Variants in MTMR10 observed in about 807,000 individuals in gnomAD.
MTMR10 encodes myotubularin-related protein 10.
MTMR10 carries 56 observed loss-of-function variants against 88.1 expected under a neutral mutation model. The observed-to-expected ratio is 0.64, with a 90% CI of 0.51 to 0.79. MTMR10 has a LOEUF of 0.79. Ranked by LOEUF, MTMR10 falls within the 30% of genes least tolerant of loss-of-function variation. The pLI, the probability that MTMR10 is intolerant of heterozygous loss-of-function variation, is 0.00. For synonymous variants in MTMR10, 380 were observed against 340.9 expected (o/e 1.11, Z -1.26); for missense variants, 883 against 924.7 (o/e 0.95, Z 0.58).
chr15:30,943,405 T>G (rs967351849), intron 14 of MTMR10: 36 of 984,566 alleles, frequency 3.7e-5, no homozygotes, highest in Non-Finnish European at 4.0e-5. Flanking sequence ...TTTATTTCTA[T>G]AATTACAGTA....
the MTMR10 span, chr15:30,927,613 T>C: frequency 1.0e-6 from 1 of 985,546 alleles, no homozygotes; most frequent in South Asian, 4.7e-5. Context: ...GGCCTGTAAA[T>C]GTCAGGTGGG....
chr15:30,929,321 C>G, the MTMR10 span: 1 of 1,612,224 alleles, frequency 6.2e-7, no homozygotes, highest in Non-Finnish European at 8.5e-7. Flanking sequence ...TGGGTGGCAG[C>G]CACGTGGCAT....
intron 6 of MTMR10, chr15:30,965,818 T>C: frequency 3.1e-6 from 1 of 324,368 alleles, no homozygotes; most frequent in South Asian, 2.6e-5. Flanking sequence ...CTCAGATAAC[T>C]GCAGGGGAGC....
chr15:30,952,720 C>A (rs992854247), intron 11 of MTMR10, among the ~76,000 whole-genome samples: 1 of 152,002 alleles, frequency 6.6e-6, no homozygotes, highest in African/African-American at 2.4e-5. Flanking sequence ...TTGTGAACTA[C>A]TGGCCTCAAG....
Position 30,941,698 on chromosome 15 carries a change from G to A in MTMR10, c.2106C>T (p.Gly702=), listed in dbSNP as rs762731883. ...LSRMLRQQRS[G]PLEACYGELG... The stretch of plus-strand genomic sequence containing the variant: ...GCTCCCCATAGCAGGCCTCCAGGGG[G>A]CCACTGCGCTGTTGCCGCAGCATCC... The change falls in exon 16 of 16, where the codon GGC becomes GGT. Residue 702 remains glycine (G), a synonymous_variant. Coordinates refer to ENST00000435680, the MANE Select transcript of MTMR10 (RefSeq NM_017762.3). 3 of 1,613,840 alleles carry A rather than the reference G, an allele frequency of 1.9e-6. No homozygotes were observed. Among genetic ancestry groups the A allele is most frequent in the East Asian group, 4.5e-5 (2 of 44,884 alleles).
intron 2 of MTMR10, among the ~76,000 whole-genome samples, chr15:30,986,413 T>C (rs1434744361): frequency 2.0e-5 from 3 of 151,968 alleles, no homozygotes; most frequent in Non-Finnish European, 2.9e-5. Context: ...AGTATTATAA[T>C]AATCTCATCT....
At chr15:30,980,857 C>T (rs1049018126) in intron 2 of MTMR10, among the ~76,000 whole-genome samples, 7 of 152,006 alleles carry the variant, frequency 4.6e-5, no homozygotes, top group East Asian at 1.9e-4. Context: ...ACAAAAATGC[C>T]GGATTAGAAA....
the MTMR10 span, among the ~76,000 whole-genome samples, chr15:30,919,847 CAG>C: frequency 0.016 from 2,498 of 152,160 alleles, 69 homozygotes; most frequent in African/African-American, 0.057. Flanking sequence ...CTTGCTGTCT[CAG>C]GGGTGGCAGA....
chr15:30,941,972 T>C lies in MTMR10; in HGVS notation c.1832A>G (p.Lys611Arg). 6.2e-7 allele frequency: 1 copy of C among 1,614,016 alleles called. No individual in the cohort carries two copies. The highest frequency in any genetic ancestry group is 8.5e-7 in the Non-Finnish European group (1 of 1,179,900). The change falls in exon 16 of 16, where the codon AAA (lysine) becomes AGA (arginine). Residue 611 changes from lysine to arginine, a missense_variant. Lys to Arg is a conservative substitution (Grantham distance 26, BLOSUM62 2). Transcript: ENST00000435680. ...LLPRRNSLIL[K>R]PKPDPAQQTD... ...TTGCTGAGCTGGATCTGGCTTTGGT[T>C]TTAATATCAATGAATTTCTCCTTGG...
the MTMR10 span, among the ~76,000 whole-genome samples, chr15:30,930,827 G>A: frequency 5.9e-5 from 9 of 152,186 alleles, no homozygotes; most frequent in African/African-American, 2.2e-4. Context: ...TGTCCCCTGC[G>A]ACTGGCTTCA....
Position 30,941,118 on chromosome 15 carries a change from T to C in MTMR10, c.*352A>G, listed in dbSNP as rs2063032669. On this transcript the variant is annotated 3_prime_UTR_variant, in exon 16 of 16. Transcript: ENST00000435680. ...GACACGAAACACAAATTTCCTAACT[T>C]TCCTGTTGTCTGCTGCCTGGGGCTG... 6.4e-6 allele frequency: 8 copies of C among 1,259,798 alleles called. No homozygotes were observed. The highest frequency in any genetic ancestry group is 7.2e-6 in the Non-Finnish European group (7 of 978,466). 78.0% of individuals were successfully genotyped at this position (1,259,798 alleles called of 1,614,324 possible). A position where few individuals can be genotyped will look rare whatever the true frequency, so the allele number is the denominator to read the frequency against.
intron 15 of MTMR10, 93 bp from the exon 16 acceptor site, chr15:30,942,165 A>G: frequency 7.2e-7 from 1 of 1,394,058 alleles, no homozygotes; most frequent in Non-Finnish European, 9.7e-7. Context: ...ACTATGAAAA[A>G]TTAATGGAAT....
At chr15:30,990,706 C>G in intron 2 of MTMR10, 71 bp downstream of exon 2, 2 of 1,283,688 alleles carry the variant, frequency 1.6e-6, no homozygotes, top group Non-Finnish European at 2.2e-6. Flanking sequence ...CCACATGATA[C>G]TAGTCGGCAG....
At chr15:30,943,200 G>A in intron 14 of MTMR10, 128 bp from the exon 15 acceptor site, 2 of 1,412,156 alleles carry the variant, frequency 1.4e-6, no homozygotes, top group Non-Finnish European at 1.8e-6. Context: ...CCACCAGAGT[G>A]GCACTTTCAC....
At chr15:30,975,536 C>T (rs980161594) in intron 3 of MTMR10, among the ~76,000 whole-genome samples, 2 of 152,166 alleles carry the variant, frequency 1.3e-5, no homozygotes, top group Admixed American at 6.5e-5. Context: ...GTATCTGCTT[C>T]TCATTTACAG....
At chr15:30,967,786 GCTTA>G in intron 6 of MTMR10, 130 bp downstream of exon 6, 1 of 662,432 alleles carries the variant, frequency 1.5e-6, no homozygotes, top group Non-Finnish European at 2.4e-6. Context: ...AGCATGTAGT[GCTTA>G]CTTCTCTAAG....
intron 5 of MTMR10, among the ~76,000 whole-genome samples, chr15:30,972,191 A>AT (rs747343044): frequency 6.6e-6 from 1 of 152,102 alleles, no homozygotes; most frequent in African/African-American, 2.4e-5. Flanking sequence ...ATGAGCCATA[A>AT]TTTCCTAACT....
chr15:30,923,434 A>G, the MTMR10 span, among the ~76,000 whole-genome samples: 15 of 152,218 alleles, frequency 9.9e-5, no homozygotes, highest in African/African-American at 2.7e-4. Flanking sequence ...TAGGGGGTAG[A>G]CAAGCCACTG....
At chr15:30,979,639 G>A (rs2030420120) in intron 2 of MTMR10, among the ~76,000 whole-genome samples, 1 of 152,192 alleles carries the variant, frequency 6.6e-6, no homozygotes, top group Non-Finnish European at 1.5e-5. Context: ...ATAACAGGAA[G>A]GAAGAGACAG....
Sources: allele counts gnomAD v4.1 joint callset (sites outside exome capture counted in the v4.1 genomes callset), GRCh38; gene constraint gnomAD v4.1.1; transcripts MANE v1.5; gene names NCBI Gene and HGNC (gene_info 2026-07-23, HGNC 2026-07-21).